The following SLC14A2 variants were observed in gnomAD, a reference collection of about 807,000 sequenced individuals.
SLC14A2 encodes the protein solute carrier family 14 member 2, also known as urea transporter 2.
In SLC14A2, 91 loss-of-function variants were observed where a neutral mutation model predicts 104.6. The observed-to-expected ratio is 0.87, with a 90% CI of 0.73 to 1.04. The LOEUF (loss-of-function observed/expected upper bound fraction) is 1.04, where lower values mean the gene tolerates loss of function less well. SLC14A2 is among the 50% of genes least tolerant of loss of function. The pLI is 0.00. For missense variants in SLC14A2, 1,189 were observed against 1,156.0 expected, an observed-to-expected ratio of 1.03 and a Z score of -0.41; for synonymous variants, 476 against 466.4, an observed-to-expected ratio of 1.02 and a Z score of -0.27.
At chr18:45,638,752 G>A (rs2045466589) in intron 6 of SLC14A2, among the ~76,000 whole-genome samples, 1 of 152,216 alleles carries the variant, frequency 6.6e-6, no homozygotes, top group Non-Finnish European at 1.5e-5. Flanking sequence ...TGGCAATGGT[G>A]AAAAGAACTA....
intron 1 of SLC14A2, among the ~76,000 whole-genome samples, chr18:45,266,861 A>G (rs2084597116): frequency 6.6e-6 from 1 of 152,190 alleles, no homozygotes; most frequent in Non-Finnish European, 1.5e-5. Flanking sequence ...GTGTGTGATC[A>G]AACAACTACC....
chr18:45,326,835 T>C (rs2085239495), intron 1 of SLC14A2, among the ~76,000 whole-genome samples: 1 of 152,222 alleles, frequency 6.6e-6, no homozygotes, highest in Non-Finnish European at 1.5e-5. Context: ...TGAAGCCTCA[T>C]GCCTAGACTG....
chr18:45,508,360 G>T (rs2043315114), intron 2 of SLC14A2, among the ~76,000 whole-genome samples: 1 of 152,196 alleles, frequency 6.6e-6, no homozygotes, highest in African/African-American at 2.4e-5. Flanking sequence ...ATGAGAGCAG[G>T]TCTTTCCCAT....
chr18:45,675,687 A>G (rs2046213745), intron 18 of SLC14A2, among the ~76,000 whole-genome samples: 1 of 69,360 alleles, frequency 1.4e-5, no homozygotes. Flanking sequence ...GCTAATTTCT[A>G]TATATATATA....
chr18:45,273,104 G>C (rs1337194266), intron 1 of SLC14A2, among the ~76,000 whole-genome samples: 1 of 152,078 alleles, frequency 6.6e-6, no homozygotes, highest in Non-Finnish European at 1.5e-5. Flanking sequence ...AAGCTCAGAT[G>C]GATCGAGGTG....
intron 1 of SLC14A2, among the ~76,000 whole-genome samples, chr18:45,232,834 C>G (rs1039174227): frequency 6.6e-6 from 1 of 152,158 alleles, no homozygotes; most frequent in Admixed American, 6.5e-5. Context: ...GAGGCACATT[C>G]GTGAAACCAC....
At chr18:45,541,037 C>G (rs1449916021) in intron 2 of SLC14A2, among the ~76,000 whole-genome samples, 2 of 152,152 alleles carry the variant, frequency 1.3e-5, no homozygotes, top group African/African-American at 4.8e-5. Flanking sequence ...AGAACACAAG[C>G]TCAGGATGCC....
chr18:45,247,632 C>A (rs908924501), intron 1 of SLC14A2, among the ~76,000 whole-genome samples: 1 of 151,980 alleles, frequency 6.6e-6, no homozygotes, highest in Admixed American at 6.5e-5. Flanking sequence ...ATCTCACCCC[C>A]TGAACAAACT....
At chr18:45,431,749 G>A (rs1370897979) in intron 1 of SLC14A2, among the ~76,000 whole-genome samples, 3 of 152,158 alleles carry the variant, frequency 2.0e-5, no homozygotes, top group African/African-American at 7.2e-5. Context: ...TCAGAGCTTT[G>A]GTCCATATGA....
At chr18:45,509,309 T>C (rs1028205446) in intron 2 of SLC14A2, among the ~76,000 whole-genome samples, 1 of 152,094 alleles carries the variant, frequency 6.6e-6, no homozygotes, top group East Asian at 1.9e-4. Flanking sequence ...TCTCTCTCTC[T>C]GTCTTTCTGG....
chr18:45,210,662 A>G (rs1411325438), upstream of SLC14A2, among the ~76,000 whole-genome samples: 2 of 152,234 alleles, frequency 1.3e-5, no homozygotes, highest in Admixed American at 6.5e-5. Context: ...TAAGTACAGC[A>G]TCATGGACCA....
intron 1 of SLC14A2, among the ~76,000 whole-genome samples, chr18:45,408,896 C>G (rs111412448): frequency 6.6e-6 from 1 of 152,064 alleles, no homozygotes; most frequent in African/African-American, 2.4e-5. Context: ...CCTCTCTGGG[C>G]CTTGAATTTC....
chr18:45,169,965 G>A, the SLC14A2 span, among the ~76,000 whole-genome samples: 1 of 152,098 alleles, frequency 6.6e-6, no homozygotes, highest in African/African-American at 2.4e-5. Context: ...AGTATCTCAA[G>A]AGGGCTACAA....
At chr18:45,318,768 C>T (rs1217364105) in intron 1 of SLC14A2, among the ~76,000 whole-genome samples, 1 of 149,096 alleles carries the variant, frequency 6.7e-6, no homozygotes. Context: ...GCCTGGGCAA[C>T]AAGAGCAAAA....
At position 45,666,953 on chromosome 18, in the gene SLC14A2, GA is replaced by G. The variant is rs1325851303; in HGVS notation, c.1577del (p.Glu526GlyfsTer5). 4.3e-6 allele frequency: 7 copies of G among 1,614,084 alleles called. No individual in the cohort carries two copies. The highest frequency in any genetic ancestry group is 5.1e-6 in the Non-Finnish European group (6 of 1,179,952). On this transcript the variant is annotated frameshift_variant, in exon 13 of 20. Transcript: ENST00000255226. LOFTEE classifies it high-confidence loss of function. ...TGGACAGGATCTGGACACCATGGAG[GA>G]GAGCTCTGAGATAAAAGTGGAAACA... ...VELLDLDTME[E>X]SSEIKVETNI...
At position 45,646,950 on chromosome 18, in the gene SLC14A2, T is replaced by A. The variant is rs1267406273; in HGVS notation, c.1351+2790T>A. ...GCTGTACAAATGAGAGTGTCTATGT[T>A]GAACATAAATATGCAATCATTAAAG... On this transcript the variant is annotated intron_variant, in intron 10 of 19. Coordinates refer to ENST00000255226, the MANE Select transcript of SLC14A2 (RefSeq NM_007163.4). 5 of 152,196 alleles carry A rather than the reference T, an allele frequency of 3.3e-5. No homozygotes were observed. The East Asian group carries it at 9.6e-4, about 29-fold the overall frequency. 9.4% of individuals were successfully genotyped at this position (152,196 alleles called of 1,614,324 possible). A position where few individuals can be genotyped will look rare whatever the true frequency, so the allele number is the denominator to read the frequency against.
At chr18:45,428,397 C>T (rs926678411) in intron 1 of SLC14A2, among the ~76,000 whole-genome samples, 1 of 152,148 alleles carries the variant, frequency 6.6e-6, no homozygotes, top group South Asian at 2.1e-4. Flanking sequence ...AACTACAGAC[C>T]ATAACTTTAA....
intron 1 of SLC14A2, among the ~76,000 whole-genome samples, chr18:45,400,362 A>G (rs527973274): frequency 6.6e-5 from 10 of 152,178 alleles, no homozygotes; most frequent in Admixed American, 5.2e-4. Flanking sequence ...GGTTGACCCA[A>G]CCCTTTCTCA....
At chr18:45,647,752 G>A (rs1330417716) in intron 10 of SLC14A2, 1 of 149,520 alleles carries the variant, frequency 6.7e-6, no homozygotes, top group African/African-American at 2.5e-5. Flanking sequence ...ATTTAATAAT[G>A]GGTTTCTTAA....
Sources: allele counts gnomAD v4.1 joint callset (sites outside exome capture counted in the v4.1 genomes callset), GRCh38; gene constraint gnomAD v4.1.1; transcripts MANE v1.5; gene names NCBI Gene and HGNC (gene_info 2026-07-23, HGNC 2026-07-21).